The following ST3GAL3 variants were observed in gnomAD, a reference collection of about 807,000 sequenced individuals.
ST3GAL3 encodes ST3 beta-galactoside alpha-2,3-sialyltransferase 3, also known as CMP-N-acetylneuraminate-beta-1,4-galactoside alpha-2,3-sialyltransferase.
In ST3GAL3, 21 loss-of-function variants were observed where a neutral mutation model predicts 50.1. The observed-to-expected ratio is 0.42, with a 90% CI of 0.30 to 0.60. ST3GAL3 has a LOEUF of 0.60. ST3GAL3 is among the 20% of genes least tolerant of loss of function. The pLI is 0.19. For synonymous variants in ST3GAL3, 183 were observed against 190.0 expected (o/e 0.96, Z 0.30); for missense variants, 353 against 489.4 (o/e 0.72, Z 2.63).
chr1:43,840,458 CG>C (rs898624187), intron 5 of ST3GAL3: 1 of 152,154 alleles, frequency 6.6e-6, no homozygotes, highest in Non-Finnish European at 1.5e-5. Context: ...ATAGTCCCTG[CG>C]AAATCTTAAC....
intron 9 of ST3GAL3, among the ~76,000 whole-genome samples, chr1:43,917,515 AAT>A (rs1357370327): frequency 4.6e-4 from 33 of 72,190 alleles, no homozygotes; most frequent in African/African-American, 1.0e-3. Context: ...TATATAATAT[AAT>A]ATATATTATA....
At chr1:43,872,822 G>A (rs1304935937) in intron 5 of ST3GAL3, among the ~76,000 whole-genome samples, 1 of 152,152 alleles carries the variant, frequency 6.6e-6, no homozygotes, top group Non-Finnish European at 1.5e-5. Flanking sequence ...AAGTTAGAGA[G>A]GGGCTGCCAT....
At chr1:43,838,151 C>T (rs1254209809) in intron 4 of ST3GAL3, 68 bp from the exon 5 acceptor site, 14 of 907,204 alleles carry the variant, frequency 1.5e-5, no homozygotes, top group East Asian at 1.2e-4. Context: ...CCTACAGCTC[C>T]TTATGAATTA....
chr1:43,834,171 C>T (rs1460637315), intron 4 of ST3GAL3, among the ~76,000 whole-genome samples: 1 of 152,096 alleles, frequency 6.6e-6, no homozygotes, highest in Admixed American at 6.5e-5. Context: ...AGAAAACAAA[C>T]ACAACAAAAA....
At chr1:43,853,377 A>G (rs904175236) in intron 5 of ST3GAL3, among the ~76,000 whole-genome samples, 2 of 152,244 alleles carry the variant, frequency 1.3e-5, no homozygotes, top group Admixed American at 1.3e-4. Flanking sequence ...AATTCTCCCA[A>G]CAATCATATA....
In ST3GAL3 at chr1:43,899,481, T is replaced by G. The variant is rs2077914062; in HGVS notation, c.558-60T>G. 1 of 1,604,032 alleles carries G rather than the reference T, an allele frequency of 6.2e-7. No homozygotes were observed. Among genetic ancestry groups the G allele is most frequent in the South Asian group, 1.1e-5 (1 of 90,938 alleles). On this transcript the variant is annotated intron_variant, in intron 8 of 11. Coordinates refer to ENST00000347631, the MANE Select transcript of ST3GAL3 (RefSeq NM_006279.5). The surrounding 1 kb of genome is among the most constrained non-coding windows in gnomAD (Gnocchi z 5.4). ...CCTATTCTCCATGCCTGGGATAGTC[T>G]GGGGTCATGGTGCCTTCCCAAACAC...
chr1:43,724,890 A>G (rs1401088141), intron 1 of ST3GAL3, among the ~76,000 whole-genome samples: 1 of 152,210 alleles, frequency 6.6e-6, no homozygotes, highest in Non-Finnish European at 1.5e-5. Flanking sequence ...GGTCAGTGGT[A>G]AACTCATTTA....
intron 1 of ST3GAL3, among the ~76,000 whole-genome samples, chr1:43,720,102 G>A (rs1669667609): frequency 6.6e-6 from 1 of 152,038 alleles, no homozygotes; most frequent in African/African-American, 2.4e-5. Context: ...AATTGGCTAG[G>A]CATGTAGTCC....
intron 2 of ST3GAL3, among the ~76,000 whole-genome samples, chr1:43,759,127 G>GA (rs142107353): frequency 0.014 from 2,065 of 146,208 alleles, 44 homozygotes; most frequent in African/African-American, 0.052. Flanking sequence ...ATATAGTGAT[G>GA]AAAAAAAGGC....
At chr1:43,885,907 A>G (rs1461106326) in intron 5 of ST3GAL3, among the ~76,000 whole-genome samples, 2 of 152,224 alleles carry the variant, frequency 1.3e-5, no homozygotes, top group African/African-American at 4.8e-5. Context: ...AACAGAGCAG[A>G]GGATGCCAGA....
intron 1 of ST3GAL3, among the ~76,000 whole-genome samples, chr1:43,711,514 C>T (rs1273910870): frequency 6.6e-6 from 1 of 152,262 alleles, no homozygotes; most frequent in Admixed American, 6.5e-5. Context: ...CTAATGACTA[C>T]TACCTCATCT....
intron 2 of ST3GAL3, among the ~76,000 whole-genome samples, chr1:43,749,637 C>CA (rs529489373): frequency 1.3e-3 from 194 of 152,062 alleles, no homozygotes; most frequent in African/African-American, 4.3e-3. Context: ...ATATTTCATA[C>CA]AAAAAAAATT....
chr1:43,886,814 C>T (rs192816285), intron 5 of ST3GAL3, among the ~76,000 whole-genome samples: 10 of 152,296 alleles, frequency 6.6e-5, no homozygotes, highest in Non-Finnish European at 1.0e-4. Context: ...GTAGCTAAAG[C>T]GGGTACATGG....
At chr1:43,764,366 G>C (rs1328484453) in intron 2 of ST3GAL3, among the ~76,000 whole-genome samples, 1 of 152,056 alleles carries the variant, frequency 6.6e-6, no homozygotes, top group Non-Finnish European at 1.5e-5. Context: ...GTGTATTTTT[G>C]ATTGGAAAAT....
At chr1:43,766,470 G>A (rs1693016633) in intron 2 of ST3GAL3, among the ~76,000 whole-genome samples, 1 of 152,206 alleles carries the variant, frequency 6.6e-6, no homozygotes, top group South Asian at 2.1e-4. Flanking sequence ...GAAGAGATGG[G>A]CACTGAAGCA....
At position 43,822,712 on chromosome 1, in the gene ST3GAL3, C is replaced by A. The variant is rs2062265551; in HGVS notation, c.209+7779C>A. 2.0e-5 allele frequency among the ~76,000 whole-genome samples: 3 copies of A among 152,118 alleles called. No individual in the cohort carries two copies. In the South Asian group the frequency reaches 6.2e-4, roughly 32 times the overall value. ...AGGTACTTTCTATGTTACCTGTTCC[C>A]ACAACATTTGCTTAGATAATCTAAT... On this transcript the variant is annotated intron_variant, in intron 4 of 11. Transcript: ENST00000347631.
At chr1:43,758,366 T>A (rs1688920073) in intron 2 of ST3GAL3, among the ~76,000 whole-genome samples, 1 of 152,098 alleles carries the variant, frequency 6.6e-6, no homozygotes, top group Admixed American at 6.5e-5. Flanking sequence ...TCCTCCCACC[T>A]CAGTCTCCTG....
intron 2 of ST3GAL3, among the ~76,000 whole-genome samples, chr1:43,741,334 C>A (rs1558091892): frequency 6.6e-6 from 1 of 152,150 alleles, no homozygotes; most frequent in Non-Finnish European, 1.5e-5. Flanking sequence ...GAGACCCTGT[C>A]TCAAAAATGT....
chr1:43,901,163 G>T (rs2078211136), intron 9 of ST3GAL3, among the ~76,000 whole-genome samples: 1 of 152,248 alleles, frequency 6.6e-6, no homozygotes, highest in South Asian at 2.1e-4. Flanking sequence ...AATAGAGTCT[G>T]TCCTGGTGAA....
Sources: allele counts gnomAD v4.1 joint callset (sites outside exome capture counted in the v4.1 genomes callset), GRCh38; gene constraint gnomAD v4.1.1; non-coding constraint Gnocchi (gnomAD v3.1); transcripts MANE v1.5; gene names NCBI Gene and HGNC (gene_info 2026-07-23, HGNC 2026-07-21).